Variants in DLGAP2 observed in about 807,000 individuals in gnomAD.
DLGAP2 encodes disks large-associated protein 2.
A neutral mutation model predicts 100.3 loss-of-function variants in DLGAP2; 26 were observed. The observed-to-expected ratio is 0.26, with a 90% CI of 0.19 to 0.36. The LOEUF (loss-of-function observed/expected upper bound fraction) is 0.36. Among genes scored for constraint, DLGAP2 ranks in the 10% least tolerant of loss-of-function variants. The pLI, the probability that DLGAP2 is intolerant of heterozygous loss-of-function variation, is 1.00. For synonymous variants in DLGAP2, 886 were observed against 630.1 expected, an observed-to-expected ratio of 1.41 and a Z score of -6.08; for missense variants, 1,858 against 1,453.2, an observed-to-expected ratio of 1.28 and a Z score of -4.53.
chr8:987,722 G>C lies in DLGAP2; in HGVS notation c.73+79756G>C, dbSNP rs183092153. The stretch of plus-strand genomic sequence containing the variant: ...TGGAGGTGGGTAATTAGTCCAAGCC[G>C]ACGACAAGCCCACTCCTTTCACCAA... On this transcript the variant is annotated intron_variant, in intron 2 of 14. Coordinates refer to ENST00000637795, the MANE Select transcript of DLGAP2 (RefSeq NM_001346810.2). Among the ~76,000 whole-genome samples the C allele has an allele frequency of 2.5e-3, 383 of 152,204 alleles. 3 individuals carry two copies. Among genetic ancestry groups the C allele is most frequent in the African/African-American group, 8.8e-3 (367 of 41,538 alleles).
rs201256134 is a variant in DLGAP2, at chr8:1,690,383, A to AAC, written c.2705-1142_2705-1141dup. Among the ~76,000 whole-genome samples, 1,263 of 150,888 alleles carry AAC rather than the reference A, an allele frequency of 8.4e-3. 17 individuals carry two copies. Among genetic ancestry groups the AAC allele is most frequent in the East Asian group, 0.06 (300 of 5,042 alleles). On this transcript the variant is annotated intron_variant, in intron 12 of 14. Coordinates refer to ENST00000637795, the MANE Select transcript of DLGAP2 (RefSeq NM_001346810.2). ...GAAAATAAATAAATAAAACAAAATA[A>AAC]ACACACACACATACAGTATATTCTT...
intron 6 of DLGAP2, among the ~76,000 whole-genome samples, chr8:1,570,965 G>T (rs146913260): frequency 7.0e-6 from 1 of 142,920 alleles, no homozygotes; most frequent in African/African-American, 2.6e-5. Flanking sequence ...AGAGGAGAGA[G>T]GGGTGAACTG....
At chr8:946,077 G>A (rs1799311858) in intron 2 of DLGAP2, among the ~76,000 whole-genome samples, 2 of 79,010 alleles carry the variant, frequency 2.5e-5, no homozygotes, top group South Asian at 7.8e-4. Context: ...AGCCTCCTGT[G>A]CTCAGCACCC....
chr8:1,697,977 C>T (rs1430578765), intron 14 of DLGAP2, among the ~76,000 whole-genome samples: 1 of 152,194 alleles, frequency 6.6e-6, no homozygotes, highest in African/African-American at 2.4e-5. Context: ...CCTGAGGAAC[C>T]ATAAATGGAT....
chr8:1,436,131 C>A (rs1797616859), intron 3 of DLGAP2, among the ~76,000 whole-genome samples: 1 of 152,098 alleles, frequency 6.6e-6, no homozygotes, highest in Non-Finnish European at 1.5e-5. Context: ...TGACTCACAA[C>A]CACAAGGTGA....
intron 2 of DLGAP2, chr8:1,019,714 C>A (rs1363163761): frequency 1.3e-5 from 2 of 152,196 alleles, no homozygotes; most frequent in East Asian, 3.8e-4. Flanking sequence ...ATTCATGTCT[C>A]TATCAGACTC....
chr8:1,591,329 C>G, intron 6 of DLGAP2, among the ~76,000 whole-genome samples: 1 of 152,168 alleles, frequency 6.6e-6, no homozygotes, highest in Admixed American at 6.5e-5. Flanking sequence ...CCATGTGGGC[C>G]AGGTGGGAAG....
intron 6 of DLGAP2, among the ~76,000 whole-genome samples, chr8:1,586,171 T>A (rs903216679): frequency 2.0e-5 from 3 of 152,356 alleles, no homozygotes; most frequent in Middle Eastern, 3.4e-3. Context: ...CAGCCTGCCC[T>A]CCTTCCGGGT....
chr8:956,488 C>T (rs1260672773), intron 2 of DLGAP2, among the ~76,000 whole-genome samples: 1 of 152,182 alleles, frequency 6.6e-6, no homozygotes, highest in Non-Finnish European at 1.5e-5. Context: ...CATCTGTCCA[C>T]CCGCTGGTTC....
chr8:1,486,539 A>G (rs181534602), intron 3 of DLGAP2, among the ~76,000 whole-genome samples: 1 of 152,176 alleles, frequency 6.6e-6, no homozygotes, highest in African/African-American at 2.4e-5. Flanking sequence ...GCACATTCCA[A>G]TCAAAGGGGG....
intron 2 of DLGAP2, among the ~76,000 whole-genome samples, chr8:978,010 G>GA: frequency 1.8e-5 from 1 of 57,016 alleles, no homozygotes; most frequent in Non-Finnish European, 3.4e-5. Flanking sequence ...GATGCAGTGA[G>GA]GGGCTGGGTT....
chr8:1,581,856 C>CA (rs1368773978), intron 6 of DLGAP2, among the ~76,000 whole-genome samples: 1 of 151,204 alleles, frequency 6.6e-6, no homozygotes, highest in Non-Finnish European at 1.5e-5. Flanking sequence ...AGACAAACCC[C>CA]CACACATATA....
rs191003897 is a variant in DLGAP2, at chr8:1,597,723, C to A, written c.1443-29017C>A. 2.0e-3 allele frequency among the ~76,000 whole-genome samples: 309 copies of A among 152,234 alleles called. 2 individuals are homozygous for A. Among genetic ancestry groups the A allele is most frequent in the Non-Finnish European group, 3.3e-3 (226 of 68,026 alleles). ...TGATTTTTGCACATTGATTTTGTAT[C>A]CCGAGACTTTGCTAAAGTTGCTTAT... On this transcript the variant is annotated intron_variant, in intron 6 of 14. Coordinates refer to ENST00000637795, the MANE Select transcript of DLGAP2 (RefSeq NM_001346810.2).
chr8:1,510,339 C>T (rs1800116837), intron 4 of DLGAP2, among the ~76,000 whole-genome samples: 1 of 152,208 alleles, frequency 6.6e-6, no homozygotes, highest in Non-Finnish European at 1.5e-5. Context: ...ACCTTGCCAG[C>T]CTCGTTGCCC....
chr8:1,552,596 G>C (rs531442444), intron 5 of DLGAP2, among the ~76,000 whole-genome samples: 2 of 152,158 alleles, frequency 1.3e-5, no homozygotes, highest in Non-Finnish European at 2.9e-5. Context: ...ACAGGTTTCT[G>C]GGTCCTCACA....
chr8:904,007 G>A (rs560995417), intron 1 of DLGAP2, among the ~76,000 whole-genome samples: 4 of 152,358 alleles, frequency 2.6e-5, no homozygotes, highest in African/African-American at 9.6e-5. Flanking sequence ...GGACGCAGGG[G>A]ACACACGCGG....
chr8:1,039,562 CTTGGTGTGCGTGG>C (rs1802245437), intron 2 of DLGAP2, among the ~76,000 whole-genome samples: 1 of 114,580 alleles, frequency 8.7e-6, no homozygotes, highest in African/African-American at 3.6e-5. Flanking sequence ...GCGTGGTCAG[CTTGGTGTGCGTGG>C]TCAGCTCGGT....
At chr8:1,125,611 G>A (rs954861772) in intron 2 of DLGAP2, among the ~76,000 whole-genome samples, 4 of 152,122 alleles carry the variant, frequency 2.6e-5, no homozygotes, top group African/African-American at 9.7e-5. Flanking sequence ...TGAAAGCCAG[G>A]TGATTTATGT....
At chr8:1,130,951 G>T (rs1796280698) in intron 2 of DLGAP2, among the ~76,000 whole-genome samples, 1 of 152,156 alleles carries the variant, frequency 6.6e-6, no homozygotes, top group Admixed American at 6.5e-5. Context: ...TGGCTCTGAG[G>T]GGCCGGTCCT....
Sources: allele counts gnomAD v4.1 joint callset (sites outside exome capture counted in the v4.1 genomes callset), GRCh38; gene constraint gnomAD v4.1.1; transcripts MANE v1.5; gene names NCBI Gene and HGNC (gene_info 2026-07-23, HGNC 2026-07-21).